The following GPC6 variants were observed in gnomAD, a reference collection of about 807,000 sequenced individuals.
The protein encoded by GPC6 is glypican-6.
A neutral mutation model predicts 55.2 loss-of-function variants in GPC6; 14 were observed. That is an observed-to-expected ratio of 0.25 (90% confidence interval 0.17 to 0.40). The LOEUF (loss-of-function observed/expected upper bound fraction) is 0.40, where lower values mean the gene tolerates loss of function less well. GPC6 is among the 10% of genes least tolerant of loss of function. The pLI is 1.00. For missense variants in GPC6, 641 were observed against 708.5 expected, an observed-to-expected ratio of 0.90 and a Z score of 1.08; for synonymous variants, 278 against 259.6, an observed-to-expected ratio of 1.07 and a Z score of -0.68.
chr13:93,714,997 T>C (rs1594394676), intron 2 of GPC6, among the ~76,000 whole-genome samples: 1 of 151,546 alleles, frequency 6.6e-6, no homozygotes, highest in South Asian at 2.1e-4. Context: ...AATTAGCATA[T>C]AAGGAGCAAT....
chr13:93,370,103 GAC>G (rs1881396903), intron 1 of GPC6, among the ~76,000 whole-genome samples: 1 of 152,064 alleles, frequency 6.6e-6, no homozygotes, highest in Non-Finnish European at 1.5e-5. Flanking sequence ...TTGTGGAGGA[GAC>G]CGAGTACAAT....
At chr13:94,206,288 G>T (rs1363473691) in intron 4 of GPC6, among the ~76,000 whole-genome samples, 3 of 152,112 alleles carry the variant, frequency 2.0e-5, no homozygotes, top group African/African-American at 7.2e-5. Context: ...TCTTGTTTGT[G>T]TCTCTTTTTT....
intron 4 of GPC6, among the ~76,000 whole-genome samples, chr13:94,139,928 A>G (rs908486888): frequency 3.9e-5 from 6 of 152,026 alleles, no homozygotes; most frequent in South Asian, 2.1e-4. Flanking sequence ...GATTTTTTCT[A>G]TGGAAATGTT....
At chr13:93,560,508 A>G (rs1225748683) in intron 2 of GPC6, among the ~76,000 whole-genome samples, 1 of 152,106 alleles carries the variant, frequency 6.6e-6, no homozygotes, top group Non-Finnish European at 1.5e-5. Context: ...CAACAGAGTG[A>G]GACCCTGTGT....
chr13:93,268,350 C>G (rs1175963362), intron 1 of GPC6, among the ~76,000 whole-genome samples: 1 of 152,118 alleles, frequency 6.6e-6, no homozygotes, highest in African/African-American at 2.4e-5. Context: ...TATAGACAAT[C>G]TACAAAGTAG....
At chr13:94,272,458 C>CTT (rs1272404309) in intron 4 of GPC6, among the ~76,000 whole-genome samples, 6 of 115,416 alleles carry the variant, frequency 5.2e-5, no homozygotes, top group African/African-American at 2.3e-4. Flanking sequence ...CTTTTCTTTT[C>CTT]TTTTCTTTTT....
At chr13:94,239,301 G>T (rs1890978916) in intron 4 of GPC6, among the ~76,000 whole-genome samples, 1 of 152,128 alleles carries the variant, frequency 6.6e-6, no homozygotes, top group Non-Finnish European at 1.5e-5. Context: ...AGCTATGAAG[G>T]GAAAGGTACT....
At chr13:93,265,836 C>T (rs910248250) in intron 1 of GPC6, among the ~76,000 whole-genome samples, 2 of 150,072 alleles carry the variant, frequency 1.3e-5, no homozygotes, top group African/African-American at 4.9e-5. Context: ...CCCAGGTTGG[C>T]CTCGAACGCA....
rs1020041553 is a variant in GPC6 at position 93,368,340 on chromosome 13, C to T, written c.160+140724C>T. Among the ~76,000 whole-genome samples, 15 of 29,952 alleles carry T rather than the reference C, an allele frequency of 5.0e-4. No individual in the cohort carries two copies. In the Admixed American group the frequency reaches 6.3e-3, roughly 12 times the overall value. 19.6% of individuals were successfully genotyped at this position (29,952 alleles called of 152,430 possible). On this transcript the variant is annotated intron_variant, in intron 1 of 8. Coordinates refer to ENST00000377047, the MANE Select transcript of GPC6 (RefSeq NM_005708.5). Reference sequence around the variant, plus strand: ...CCCTCCTTCCCTCCCTCCCTGCTTTCCTTCCTTCCTTCCTTCCTTCCTTCC... The same window carrying T: ...CCCTCCTTCCCTCCCTCCCTGCTTTTCTTCCTTCCTTCCTTCCTTCCTTCC...
At chr13:93,673,199 T>G (rs1418850517) in intron 2 of GPC6, among the ~76,000 whole-genome samples, 4 of 152,078 alleles carry the variant, frequency 2.6e-5, no homozygotes, top group Admixed American at 2.6e-4. Context: ...CAGTGGATCA[T>G]TAACCAGGAG....
At chr13:94,014,629 TG>T (rs1293836813) in intron 3 of GPC6, among the ~76,000 whole-genome samples, 1 of 152,132 alleles carries the variant, frequency 6.6e-6, no homozygotes, top group Non-Finnish European at 1.5e-5. Context: ...GGAACATTTT[TG>T]TCACACAAAA....
At chr13:94,175,790 A>G (rs866889134) in intron 4 of GPC6, among the ~76,000 whole-genome samples, 10 of 149,300 alleles carry the variant, frequency 6.7e-5, no homozygotes, top group African/African-American at 1.7e-4. Flanking sequence ...AAGCATATAT[A>G]CATATATTTA....
At position 93,840,767 on chromosome 13, in the gene GPC6, G is replaced by C. The variant is rs149306802; in HGVS notation, c.711+10222G>C. Among the ~76,000 whole-genome samples the C allele has an allele frequency of 1.1e-3, 162 of 152,236 alleles. 1 individual carries two copies. The highest frequency in any genetic ancestry group is 3.8e-3 in the African/African-American group (156 of 41,556). ...CCGTGGAAAATGTGTGCAACAAACAGATGAGACGTCTTTGTTACTAATAGG... is the reference window on the plus strand; with the variant it reads ...CCGTGGAAAATGTGTGCAACAAACACATGAGACGTCTTTGTTACTAATAGG... On this transcript the variant is annotated intron_variant, in intron 3 of 8. Coordinates refer to ENST00000377047, the MANE Select transcript of GPC6 (RefSeq NM_005708.5).
At chr13:93,812,633 C>A (rs1886733503) in intron 2 of GPC6, among the ~76,000 whole-genome samples, 1 of 152,100 alleles carries the variant, frequency 6.6e-6, no homozygotes, top group African/African-American at 2.4e-5. Flanking sequence ...TGACTGATAT[C>A]CTGAGAAAAG....
At chr13:93,870,341 G>A (rs1276603621) in intron 3 of GPC6, among the ~76,000 whole-genome samples, 1 of 151,862 alleles carries the variant, frequency 6.6e-6, no homozygotes, top group Non-Finnish European at 1.5e-5. Flanking sequence ...GAGGATGCAT[G>A]CCACTATTAC....
intron 1 of GPC6, among the ~76,000 whole-genome samples, chr13:93,523,221 G>C (rs1253543256): frequency 7.0e-6 from 1 of 142,134 alleles, no homozygotes; most frequent in African/African-American, 2.5e-5. Context: ...GTATATATGG[G>C]TACATATATA....
At chr13:93,706,817 G>A (rs1404318609) in intron 2 of GPC6, among the ~76,000 whole-genome samples, 4 of 151,872 alleles carry the variant, frequency 2.6e-5, no homozygotes, top group Admixed American at 6.6e-5. Flanking sequence ...TGCTCTTGAG[G>A]AGCTTACAGT....
intron 4 of GPC6, among the ~76,000 whole-genome samples, chr13:94,207,127 A>T (rs1027212191): frequency 6.6e-6 from 1 of 152,064 alleles, no homozygotes; most frequent in African/African-American, 2.4e-5. Flanking sequence ...ACCACAATAC[A>T]GGCTTTTCCA....
At chr13:93,274,754 A>T (rs1877669433) in intron 1 of GPC6, among the ~76,000 whole-genome samples, 2 of 152,188 alleles carry the variant, frequency 1.3e-5, no homozygotes, top group African/African-American at 2.4e-5. Flanking sequence ...TCGCTTTCGT[A>T]AATATAGTGC....
Sources: gnomAD v4.1 joint callset for allele counts (sites outside exome capture counted in the v4.1 genomes callset) on GRCh38, gnomAD v4.1.1 for gene constraint, MANE v1.5 for transcripts, NCBI Gene and HGNC (gene_info 2026-07-23, HGNC 2026-07-21) for gene names.